Variants in QPRT observed in about 807,000 individuals in gnomAD.
The protein encoded by QPRT is quinolinate phosphoribosyltransferase, also known as nicotinate-nucleotide pyrophosphorylase [carboxylating].
QPRT carries 17 observed loss-of-function variants against 19.8 expected under a neutral mutation model. That is an observed-to-expected ratio of 0.86 (90% CI 0.59 to 1.29). The LOEUF is 1.29. Among genes scored for constraint, QPRT ranks in the 50% most tolerant of loss-of-function variants. The pLI, the probability that QPRT is intolerant of heterozygous loss-of-function variation, is 0.00. For missense variants in QPRT, 336 were observed against 405.1 expected (o/e 0.83, Z 1.46); for synonymous variants, 178 against 191.0 (o/e 0.93, Z 0.56).
rs78056788 is a variant in QPRT, at chr16:29,681,725, CT to C, written c.13+2530del. The stretch of plus-strand genomic sequence containing the variant: ...TTGGCCAGGCTAGCAGATCCAGATT[CT>C]TTTTTTTTTTTTTTCGAGATGGAGT... On this transcript the variant is annotated intron_variant, in intron 1 of 3. Transcript: ENST00000395384. 2.2e-3 allele frequency among the ~76,000 whole-genome samples: 194 copies of C among 86,998 alleles called. 1 individual carries two copies. Among genetic ancestry groups the C allele is most frequent in the Middle Eastern group, 8.2e-3 (1 of 122 alleles). 57.1% of individuals were successfully genotyped at this position (86,998 alleles called of 152,430 possible). A position where few individuals can be genotyped will look rare whatever the true frequency, so the allele number is the denominator to read the frequency against.
At chr16:29,687,201 A>G (rs1272748966) in intron 1 of QPRT, among the ~76,000 whole-genome samples, 1 of 151,400 alleles carries the variant, frequency 6.6e-6, no homozygotes, top group Admixed American at 6.6e-5. Context: ...TTCTTCCCCC[A>G]TCATCACAGT....
rs1407104421 is a variant in QPRT, at chr16:29,698,416, A to T, written c.*1005A>T. On this transcript the variant is annotated 3_prime_UTR_variant, in exon 4 of 4. Coordinates refer to ENST00000395384, the MANE Select transcript of QPRT (RefSeq NM_014298.6). The stretch of plus-strand genomic sequence containing the variant: ...CCACCCGGCCCTGGTAGTTAAAAAA[A>T]AGTAACAATAATAATAATATCAACC... 4 of 152,274 alleles carry T rather than the reference A, an allele frequency of 2.6e-5. No homozygotes were observed. The highest frequency in any genetic ancestry group is 6.6e-5 in the Admixed American group (1 of 15,264). 9.4% of individuals were successfully genotyped at this position (152,274 alleles called of 1,614,324 possible). A position where few individuals can be genotyped will look rare whatever the true frequency, so the allele number is the denominator to read the frequency against.
intron 1 of QPRT, among the ~76,000 whole-genome samples, chr16:29,686,566 G>C (rs941536978): frequency 5.9e-5 from 9 of 152,152 alleles, no homozygotes; most frequent in Non-Finnish European, 1.0e-4. Context: ...GCACAATCTT[G>C]GCTCACTGCA....
At chr16:29,682,027 C>T (rs1567327246) in intron 1 of QPRT, among the ~76,000 whole-genome samples, 1 of 151,670 alleles carries the variant, frequency 6.6e-6, no homozygotes, top group Non-Finnish European at 1.5e-5. Context: ...CGCACCCGGC[C>T]TCTTTTGTTT....
intron 1 of QPRT, among the ~76,000 whole-genome samples, chr16:29,692,313 G>C (rs893019318): frequency 6.6e-6 from 1 of 152,082 alleles, no homozygotes; most frequent in African/African-American, 2.4e-5. Flanking sequence ...GGGCGCGGTG[G>C]CTCACGCCTG....
At chr16:29,692,188 A>G (rs1967362357) in intron 1 of QPRT, among the ~76,000 whole-genome samples, 2 of 152,232 alleles carry the variant, frequency 1.3e-5, no homozygotes, top group Non-Finnish European at 2.9e-5. Flanking sequence ...GCCCGCAGCC[A>G]TGCAGGGCCC....
At position 29,697,167 on chromosome 16, in the gene QPRT, G is replaced by T. The variant is rs776709196; in HGVS notation, c.682-32G>T. On this transcript the variant is annotated intron_variant, in intron 3 of 3. Coordinates refer to ENST00000395384, the MANE Select transcript of QPRT (RefSeq NM_014298.6). The surrounding 1 kb of genome is among the most constrained non-coding windows in gnomAD (Gnocchi z 4.4). ...GCCTCCGGGGAGGGATCTGTGGTGG[G>T]CTCTTACCTCCCCTTGGCTTGTGTC... The T allele has an allele frequency of 6.3e-7, 1 of 1,599,266 alleles. No homozygotes were observed. Among genetic ancestry groups the T allele is most frequent in the South Asian group, 1.1e-5 (1 of 90,140 alleles).
intron 2 of QPRT, 55 bp downstream of exon 2, chr16:29,695,254 C>T: frequency 6.8e-7 from 1 of 1,468,692 alleles, no homozygotes; most frequent in Non-Finnish European, 9.0e-7. Context: ...CCCCTCCCCT[C>T]CCCTCCCCTC....
In QPRT at chr16:29,698,126, C is replaced by T. The variant is rs1382394495; in HGVS notation, c.*715C>T. On this transcript the variant is annotated 3_prime_UTR_variant, in exon 4 of 4. Coordinates refer to ENST00000395384, the MANE Select transcript of QPRT (RefSeq NM_014298.6). ...TCATCCTTCATGCACCCAACCTGTA[C>T]CAAACACCAGCATGGCCTGGCTGTG... 6.6e-6 allele frequency: 1 copy of T among 152,330 alleles called. No homozygotes were observed. The highest frequency in any genetic ancestry group is 6.5e-5 in the Admixed American group (1 of 15,270). 9.4% of individuals were successfully genotyped at this position (152,330 alleles called of 1,614,324 possible).
chr16:29,691,727 G>A (rs1967341406), intron 1 of QPRT, among the ~76,000 whole-genome samples: 1 of 152,140 alleles, frequency 6.6e-6, no homozygotes, highest in Non-Finnish European at 1.5e-5. Flanking sequence ...GGCCTTTTCC[G>A]TAGCTGGATG....
In QPRT at chr16:29,697,460, C is replaced by G. The variant is rs368447949; in HGVS notation, c.*49C>G. 10 of 1,549,540 alleles carry G rather than the reference C, an allele frequency of 6.5e-6. No individual in the cohort carries two copies. The African/African-American group carries it at 1.1e-4, about 17-fold the overall frequency. Reference sequence around the variant, plus strand: ...CCGGCCATGGGTTAACGTGGCTCCTCAGGACCCTCTGGGTCACACATCTTT... The same window carrying G: ...CCGGCCATGGGTTAACGTGGCTCCTGAGGACCCTCTGGGTCACACATCTTT... On this transcript the variant is annotated 3_prime_UTR_variant, in exon 4 of 4. Transcript: ENST00000395384. This position sits in a 1 kb window ranked among gnomAD's most constrained non-coding sequence, Gnocchi z 4.4.
upstream of QPRT, chr16:29,679,161 G>A (rs1389779616): frequency 1.9e-6 from 3 of 1,613,680 alleles, no homozygotes; most frequent in Middle Eastern, 1.6e-4. Context: ...TTGGTCCTGA[G>A]CAGCCAACAC....
Position 29,685,376 on chromosome 16 carries a change from C to T in QPRT, c.13+6166C>T, listed in dbSNP as rs533414130. 2.2e-3 allele frequency among the ~76,000 whole-genome samples: 339 copies of T among 152,156 alleles called. 2 individuals carry two copies. The highest frequency in any genetic ancestry group is 7.7e-3 in the African/African-American group (321 of 41,508). On this transcript the variant is annotated intron_variant, in intron 1 of 3. Coordinates refer to ENST00000395384, the MANE Select transcript of QPRT (RefSeq NM_014298.6). ...ATCCCAGCTACTCGGGAGGCTGAGG[C>T]GGGAGAACCACTTGAACCCGGGAGG...
rs1193202536 is a variant in QPRT at position 29,693,061 on chromosome 16, C to CA, written c.14-1585dup. Among the ~76,000 whole-genome samples, 716 of 104,018 alleles carry CA rather than the reference C, an allele frequency of 6.9e-3. 4 individuals carry two copies. Among genetic ancestry groups the CA allele is most frequent in the Middle Eastern group, 0.016 (3 of 184 alleles). The allele number at this position is 104,018 out of a possible 152,430, so 68.2% of individuals were successfully genotyped here. A position where few individuals can be genotyped will look rare whatever the true frequency, so the allele number is the denominator to read the frequency against. ...GGGCAACAAGAGTGAGATTCTGTCTCAAAAAAAAAAAAAAAAAATTACATC... is the reference window on the plus strand; with the variant it reads ...GGGCAACAAGAGTGAGATTCTGTCTCAAAAAAAAAAAAAAAAAAATTACATC... On this transcript the variant is annotated intron_variant, in intron 1 of 3. Coordinates refer to ENST00000395384, the MANE Select transcript of QPRT (RefSeq NM_014298.6).
rs185709302 is a variant in QPRT, at chr16:29,690,797, A to C, written c.14-3867A>C. 5.1e-4 allele frequency among the ~76,000 whole-genome samples: 77 copies of C among 152,050 alleles called. 1 individual carries two copies. The East Asian group carries it at 6.8e-3, about 14-fold the overall frequency. Reference sequence around the variant, plus strand: ...CTCCGCCTCCCTGGTTCAAGTGATTATCCTGCCTCAGCCTCCCAAGTAGCT... The same window carrying C: ...CTCCGCCTCCCTGGTTCAAGTGATTCTCCTGCCTCAGCCTCCCAAGTAGCT... On this transcript the variant is annotated intron_variant, in intron 1 of 3. Coordinates refer to ENST00000395384, the MANE Select transcript of QPRT (RefSeq NM_014298.6).
At position 29,694,696 on chromosome 16, in the gene QPRT, G is replaced by A; in HGVS notation, c.46G>A (p.Ala16Thr). The change falls in exon 2 of 4, where the codon GCA becomes ACA. Residue 16 changes from alanine (A) to threonine (T), a missense_variant. Physicochemically the swap from Ala to Thr is moderately conservative, Grantham distance 58 (BLOSUM62 0). Coordinates refer to ENST00000395384, the MANE Select transcript of QPRT (RefSeq NM_014298.6). ...GCTGCTGCTGCCGCCCGTCACCCTGGCAGCCCTGGTGGACAGCTGGCTCCG... is the reference window on the plus strand; with the variant it reads ...GCTGCTGCTGCCGCCCGTCACCCTGACAGCCCTGGTGGACAGCTGGCTCCG... ...LALLLPPVTL[A>T]ALVDSWLRED... 2.6e-6 allele frequency: 4 copies of A among 1,558,458 alleles called. No homozygotes were observed. Among genetic ancestry groups the A allele is most frequent in the Non-Finnish European group, 1.7e-6 (2 of 1,150,574 alleles).
At chr16:29,682,715 C>T (rs1377329943) in intron 1 of QPRT, among the ~76,000 whole-genome samples, 1 of 151,960 alleles carries the variant, frequency 6.6e-6, no homozygotes, top group African/African-American at 2.4e-5. Context: ...AAAGACTTTT[C>T]TTTTTACTAC....
At chr16:29,692,031 G>T (rs1277960081) in intron 1 of QPRT, among the ~76,000 whole-genome samples, 3 of 152,194 alleles carry the variant, frequency 2.0e-5, no homozygotes, top group Non-Finnish European at 2.9e-5. Context: ...GTGCGTGCAC[G>T]TGTGTGCGCG....
intron 2 of QPRT, chr16:29,696,674 G>T: frequency 4.5e-6 from 1 of 223,582 alleles, no homozygotes; most frequent in Non-Finnish European, 8.8e-6. Flanking sequence ...CCAGCTACTC[G>T]GGAGACTGAG....
Sources: allele counts gnomAD v4.1 joint callset (sites outside exome capture counted in the v4.1 genomes callset), GRCh38; gene constraint gnomAD v4.1.1; non-coding constraint Gnocchi (gnomAD v3.1); transcripts MANE v1.5; gene names NCBI Gene and HGNC (gene_info 2026-07-23, HGNC 2026-07-21).